LIN52: variants seen among roughly 807,000 people sequenced by gnomAD.
LIN52 encodes the protein protein lin-52 homolog.
LIN52 carries 4 observed loss-of-function variants against 18.5 expected under a neutral mutation model. The observed-to-expected ratio is 0.22, with a 90% confidence interval of 0.11 to 0.49. The LOEUF (loss-of-function observed/expected upper bound fraction) is 0.49, where lower values mean the gene tolerates loss of function less well. Among genes scored for constraint, LIN52 ranks in the 20% least tolerant of loss-of-function variants. The pLI is 0.97. For missense variants in LIN52, 102 were observed against 139.5 expected (o/e 0.73, Z 1.35); for synonymous variants, 34 against 45.5 (o/e 0.75, Z 1.02).
intron 5 of LIN52, among the ~76,000 whole-genome samples, chr14:74,157,460 T>TATATATA (rs374055679): frequency 5.0e-5 from 5 of 99,518 alleles, no homozygotes; most frequent in African/African-American, 1.4e-4. Context: ...TATATATATA[T>TATATATA]TTTTTAATTA....
chr14:74,103,208 A>G (rs1346503349), intron 5 of LIN52, among the ~76,000 whole-genome samples: 3 of 152,066 alleles, frequency 2.0e-5, no homozygotes, highest in African/African-American at 4.8e-5. Flanking sequence ...CCTCCTAAGT[A>G]GCGGGGACTA....
intron 5 of LIN52, among the ~76,000 whole-genome samples, chr14:74,175,748 A>ACACACCCACC (rs796441764): frequency 3.0e-5 from 3 of 98,824 alleles, no homozygotes; most frequent in Non-Finnish European, 7.3e-5. Context: ...ACACACACAC[A>ACACACCCACC]CACCCCCATT....
chr14:74,177,994 G>A (rs2139581986), intron 5 of LIN52, among the ~76,000 whole-genome samples: 1 of 152,190 alleles, frequency 6.6e-6, no homozygotes, highest in South Asian at 2.1e-4. Context: ...GGCCAGGCTG[G>A]TCTCAAACTC....
intron 4 of LIN52, 83 bp downstream of exon 4, chr14:74,097,943 T>TA (rs2060826507): frequency 9.4e-7 from 1 of 1,063,758 alleles, no homozygotes; most frequent in Non-Finnish European, 1.4e-6. Context: ...TCTGTTTCCT[T>TA]ACAAGTATTT....
At chr14:74,136,209 C>A (rs2061096974) in intron 5 of LIN52, among the ~76,000 whole-genome samples, 1 of 152,134 alleles carries the variant, frequency 6.6e-6, no homozygotes, top group Non-Finnish European at 1.5e-5. Flanking sequence ...TCAGTGAATG[C>A]GCAAGTTGAA....
chr14:74,108,845 C>T (rs556532353), intron 5 of LIN52, among the ~76,000 whole-genome samples: 1 of 152,096 alleles, frequency 6.6e-6, no homozygotes. Flanking sequence ...AGTTTTCTCT[C>T]ATTCTATGGG....
rs28879370 is a variant in LIN52, at chr14:74,119,164, T to C, written c.283+17926T>C. On this transcript the variant is annotated intron_variant, in intron 5 of 5. Transcript: ENST00000555028. ...TTTGGTACATGGATTTTCTTTCTTT[T>C]TTTTTTTTTTTTTTTGAGACAGAGT... Among the ~76,000 whole-genome samples, 1,394 of 145,932 alleles carry C rather than the reference T, an allele frequency of 9.6e-3. 21 individuals carry two copies. Among genetic ancestry groups the C allele is most frequent in the African/African-American group, 0.033 (1,312 of 39,952 alleles).
intron 5 of LIN52, among the ~76,000 whole-genome samples, chr14:74,116,767 A>G (rs1007738343): frequency 3.3e-5 from 5 of 151,186 alleles, no homozygotes; most frequent in African/African-American, 1.2e-4. Flanking sequence ...ACAGAAAGGT[A>G]TTCATTATAT....
At chr14:74,184,377 A>G (rs1310403458) in intron 5 of LIN52, among the ~76,000 whole-genome samples, 1 of 152,234 alleles carries the variant, frequency 6.6e-6, no homozygotes, top group Admixed American at 6.5e-5. Context: ...CCCACATTTT[A>G]AGTTTGGATA....
At chr14:74,169,493 T>C (rs1646894840) in intron 5 of LIN52, among the ~76,000 whole-genome samples, 1 of 152,202 alleles carries the variant, frequency 6.6e-6, no homozygotes, top group Admixed American at 6.5e-5. Flanking sequence ...TCCAACATCA[T>C]TTTCTCTCCA....
intron 5 of LIN52, among the ~76,000 whole-genome samples, chr14:74,152,522 C>T (rs1566861818): frequency 6.6e-6 from 1 of 152,048 alleles, no homozygotes; most frequent in South Asian, 2.1e-4. Context: ...ACATTGTCGC[C>T]ATTTTACAGT....
intron 5 of LIN52, among the ~76,000 whole-genome samples, chr14:74,155,567 C>T (rs1363656348): frequency 6.6e-6 from 1 of 152,206 alleles, no homozygotes; most frequent in Non-Finnish European, 1.5e-5. Context: ...TCTCCCCTCC[C>T]CTTTTCCTTG....
chr14:74,129,246 T>C (rs745468167), intron 5 of LIN52, among the ~76,000 whole-genome samples: 1 of 152,308 alleles, frequency 6.6e-6, no homozygotes, highest in Middle Eastern at 3.4e-3. Context: ...AGTCAGAGTT[T>C]AGTTGCTTTA....
At chr14:74,157,458 TA>T (rs766769261) in intron 5 of LIN52, among the ~76,000 whole-genome samples, 1,175 of 43,538 alleles carry the variant, frequency 0.027, 18 homozygotes, top group African/African-American at 0.072. Flanking sequence ...TATATATATA[TA>T]TTTTTTAATT....
intron 5 of LIN52, among the ~76,000 whole-genome samples, chr14:74,130,284 T>TTTTTTTTTTTTTTTTTTTGTTTTTTTG (rs1566856553): frequency 7.8e-6 from 1 of 127,914 alleles, no homozygotes; most frequent in African/African-American, 3.1e-5. Context: ...TTTGGTTTTT[T>TTTTTTTTTTTTTTTTTTTGTTTTTTTG]TTTTTTTTTT....
intron 5 of LIN52, among the ~76,000 whole-genome samples, chr14:74,168,746 G>A (rs1019974454): frequency 6.6e-6 from 1 of 152,048 alleles, no homozygotes; most frequent in African/African-American, 2.4e-5. Context: ...TAATACCTGA[G>A]TGAACTGGGT....
At position 74,182,053 on chromosome 14, in the gene LIN52, C is replaced by G. The variant is rs192635886; in HGVS notation, c.284-16869C>G. 6.6e-5 allele frequency among the ~76,000 whole-genome samples: 10 copies of G among 152,308 alleles called. No homozygotes were observed. In the East Asian group the frequency reaches 1.5e-3, roughly 24 times the overall value. On this transcript the variant is annotated intron_variant, in intron 5 of 5. Coordinates refer to ENST00000555028, the MANE Select transcript of LIN52 (RefSeq NM_001024674.3). ...TGAGACAAGGTCTCACTCTGTCACC[C>G]AGGTTAGAGTGCTGTGGCGCAATCT...
intron 5 of LIN52, among the ~76,000 whole-genome samples, chr14:74,144,035 G>A (rs1177120723): frequency 6.6e-6 from 1 of 151,598 alleles, no homozygotes; most frequent in East Asian, 1.9e-4. Flanking sequence ...GATCATGGCA[G>A]TATTTGTCTT....
chr14:74,088,406 A>G (rs1057467902), intron 1 of LIN52, among the ~76,000 whole-genome samples: 3 of 152,046 alleles, frequency 2.0e-5, no homozygotes, highest in African/African-American at 7.3e-5. Flanking sequence ...TATTTTTTGT[A>G]GAGATGGAGT....
Sources: allele counts gnomAD v4.1 joint callset (sites outside exome capture counted in the v4.1 genomes callset), GRCh38; gene constraint gnomAD v4.1.1; transcripts MANE v1.5; gene names NCBI Gene and HGNC (gene_info 2026-07-23, HGNC 2026-07-21).